XKR9: variants seen among roughly 807,000 people sequenced by gnomAD.
The protein encoded by XKR9 is XK related 9, also known as XK-related protein 9.
In XKR9, 32 loss-of-function variants were observed where a neutral mutation model predicts 32.0. The observed-to-expected ratio is 1.00, with a 90% CI of 0.76 to 1.34. The LOEUF (loss-of-function observed/expected upper bound fraction) is 1.34. XKR9 is among the 40% of genes most tolerant of loss of function. XKR9 has a pLI of 0.00. For synonymous variants in XKR9, 168 were observed against 143.4 expected, an observed-to-expected ratio of 1.17 and a Z score of -1.22; for missense variants, 546 against 429.7, an observed-to-expected ratio of 1.27 and a Z score of -2.39.
intron 3 of XKR9, chr8:70,683,562 A>T (rs749001134): frequency 2.7e-5 from 12 of 451,088 alleles, no homozygotes; most frequent in Non-Finnish European, 4.9e-5. Flanking sequence ...TTCCCAGCTC[A>T]TTGCAGCCTC....
At chr8:70,759,996 GT>G (rs1221325577) in intron 2 of XKR9, among the ~76,000 whole-genome samples, 1 of 152,102 alleles carries the variant, frequency 6.6e-6, no homozygotes, top group Admixed American at 6.5e-5. Context: ...TAACTTGTCT[GT>G]TTTGAGCATA....
At chr8:70,828,650 G>A in the XKR9 span, among the ~76,000 whole-genome samples, 1 of 151,512 alleles carries the variant, frequency 6.6e-6, no homozygotes, top group Non-Finnish European at 1.5e-5. Context: ...TTGAACCCAG[G>A]AGGTGGAGGT....
intron 4 of XKR9, among the ~76,000 whole-genome samples, chr8:70,725,407 G>A (rs184121815): frequency 5.3e-5 from 8 of 152,208 alleles, no homozygotes; most frequent in Non-Finnish European, 1.2e-4. Context: ...TCAATAAACA[G>A]TGTACAAAAT....
At chr8:70,849,112 G>A in the XKR9 span, among the ~76,000 whole-genome samples, 1 of 152,144 alleles carries the variant, frequency 6.6e-6, no homozygotes, top group East Asian at 1.9e-4. Flanking sequence ...GACAAGTACA[G>A]AACTCTCAAC....
At chr8:71,004,604 T>G in the XKR9 span, among the ~76,000 whole-genome samples, 2 of 152,334 alleles carry the variant, frequency 1.3e-5, no homozygotes, top group South Asian at 4.1e-4. Flanking sequence ...TGTGATGTCC[T>G]CTTTCTTTAC....
chr8:70,826,642 T>C, the XKR9 span, among the ~76,000 whole-genome samples: 2 of 152,174 alleles, frequency 1.3e-5, no homozygotes, highest in South Asian at 2.1e-4. Context: ...ATTTCCCATA[T>C]ACAGGAGATC....
At chr8:70,899,681 G>C in the XKR9 span, among the ~76,000 whole-genome samples, 1 of 152,094 alleles carries the variant, frequency 6.6e-6, no homozygotes, top group African/African-American at 2.4e-5. Flanking sequence ...GAGAGGGGCT[G>C]TAGTACGCTT....
chr8:70,851,482 C>T, the XKR9 span, among the ~76,000 whole-genome samples: 1 of 152,084 alleles, frequency 6.6e-6, no homozygotes, highest in Non-Finnish European at 1.5e-5. Context: ...CAAGACAATC[C>T]TAAACAAAAA....
At chr8:71,048,570 C>A in the XKR9 span, among the ~76,000 whole-genome samples, 1 of 152,130 alleles carries the variant, frequency 6.6e-6, no homozygotes, top group South Asian at 2.1e-4. Flanking sequence ...GGCTCTATTA[C>A]AAAATATCTG....
the XKR9 span, among the ~76,000 whole-genome samples, chr8:70,987,373 G>A: frequency 1.3e-5 from 2 of 152,254 alleles, no homozygotes; most frequent in African/African-American, 4.8e-5. Flanking sequence ...TACAATGGGA[G>A]TGCAGACACT....
chr8:70,712,125 AC>A (rs1413947951), intron 4 of XKR9, among the ~76,000 whole-genome samples: 1 of 152,174 alleles, frequency 6.6e-6, no homozygotes, highest in Admixed American at 6.6e-5. Context: ...CAGTATAAGC[AC>A]ATAAGGACAG....
the XKR9 span, among the ~76,000 whole-genome samples, chr8:70,924,652 T>G: frequency 1.3e-5 from 2 of 152,216 alleles, no homozygotes; most frequent in Non-Finnish European, 2.9e-5. Context: ...ATTCACTGGT[T>G]GTTTTCAGAC....
the XKR9 span, among the ~76,000 whole-genome samples, chr8:71,011,880 A>C: frequency 6.6e-6 from 1 of 152,218 alleles, no homozygotes; most frequent in African/African-American, 2.4e-5. Flanking sequence ...GCTAGGTAGC[A>C]GTGTATTTTT....
the XKR9 span, among the ~76,000 whole-genome samples, chr8:71,044,062 G>A: frequency 6.6e-6 from 1 of 152,056 alleles, no homozygotes. Context: ...AAAATTCATG[G>A]CAAAACTCAC....
intron 3 of XKR9, among the ~76,000 whole-genome samples, chr8:70,700,300 C>T (rs940912696): frequency 1.1e-4 from 16 of 152,188 alleles, no homozygotes; most frequent in African/African-American, 3.9e-4. Context: ...GTTTTTTCCC[C>T]CTCTTTGTGG....
At chr8:70,980,034 A>C in the XKR9 span, among the ~76,000 whole-genome samples, 4 of 152,222 alleles carry the variant, frequency 2.6e-5, no homozygotes, top group African/African-American at 7.2e-5. Flanking sequence ...GCTAGCAGTG[A>C]GCAAGGCTCC....
chr8:70,771,444 G>C (rs1807452323), intron 2 of XKR9, among the ~76,000 whole-genome samples: 1 of 152,126 alleles, frequency 6.6e-6, no homozygotes, highest in Admixed American at 6.5e-5. Flanking sequence ...TGTGGTCCAA[G>C]TGATTACTAA....
At chr8:71,043,861 G>A in the XKR9 span, among the ~76,000 whole-genome samples, 35 of 151,256 alleles carry the variant, frequency 2.3e-4, no homozygotes, top group Non-Finnish European at 7.4e-5. Context: ...TATAAAAAAC[G>A]TAAAATTTAT....
In XKR9 at chr8:70,734,623, A is replaced by G. The variant is rs545697570; in HGVS notation, c.*199A>G. On this transcript the variant is annotated 3_prime_UTR_variant, in exon 5 of 5. Transcript: ENST00000408926. ...TTTTGAAGATCTTGAGTACTCAGATATCTTTCTACTGCCTGGTAGAGCTGC... is the reference window on the plus strand; with the variant it reads ...TTTTGAAGATCTTGAGTACTCAGATGTCTTTCTACTGCCTGGTAGAGCTGC... 2 of 571,362 alleles carry G rather than the reference A, an allele frequency of 3.5e-6. No homozygotes were observed. Among genetic ancestry groups the G allele is most frequent in the Admixed American group, 9.2e-5 (2 of 21,764 alleles). 35.4% of individuals were successfully genotyped at this position (571,362 alleles called of 1,614,324 possible). A position where few individuals can be genotyped will look rare whatever the true frequency, so the allele number is the denominator to read the frequency against.
Sources: gnomAD v4.1 joint callset for allele counts (sites outside exome capture counted in the v4.1 genomes callset) on GRCh38, gnomAD v4.1.1 for gene constraint, MANE v1.5 for transcripts, NCBI Gene and HGNC (gene_info 2026-07-23, HGNC 2026-07-21) for gene names.